The following RUNX2 variants were observed in gnomAD, a reference collection of about 807,000 sequenced individuals.
The protein encoded by RUNX2 is RUNX family transcription factor 2, also known as runt-related transcription factor 2.
A neutral mutation model predicts 51.7 loss-of-function variants in RUNX2; 10 were observed. The observed-to-expected ratio is 0.19, with a 90% CI of 0.12 to 0.33. RUNX2 has a LOEUF of 0.33. Ranked by LOEUF, RUNX2 falls within the 10% of genes least tolerant of loss-of-function variation. RUNX2 has a pLI of 1.00. For missense variants in RUNX2, 562 were observed against 691.3 expected (o/e 0.81, Z 2.10); for synonymous variants, 276 against 273.6 (o/e 1.01, Z -0.09).
chr6:45,375,585 G>T (rs1003339443), intron 2 of RUNX2, among the ~76,000 whole-genome samples: 8 of 148,510 alleles, frequency 5.4e-5, no homozygotes, highest in African/African-American at 2.0e-4. Context: ...TCCCTCTGCA[G>T]CCCAGGCTGG....
At chr6:45,490,556 A>G (rs1170475654) in intron 5 of RUNX2, among the ~76,000 whole-genome samples, 2 of 151,086 alleles carry the variant, frequency 1.3e-5, no homozygotes, top group African/African-American at 2.4e-5. Context: ...TGTCTTACGA[A>G]GACAGCTTAT....
intron 3 of RUNX2, among the ~76,000 whole-genome samples, chr6:45,426,169 A>G (rs890944103): frequency 2.6e-5 from 4 of 152,190 alleles, no homozygotes; most frequent in African/African-American, 9.7e-5. Flanking sequence ...TGCAAAAACA[A>G]CTGGTATACT....
chr6:45,461,028 A>T (rs1357384537), intron 5 of RUNX2, among the ~76,000 whole-genome samples: 1 of 152,180 alleles, frequency 6.6e-6, no homozygotes, highest in African/African-American at 2.4e-5. Context: ...GTTATGATGG[A>T]TTAGGTGGAC....
chr6:45,455,608 T>C (rs190332125), intron 5 of RUNX2, among the ~76,000 whole-genome samples: 1 of 152,308 alleles, frequency 6.6e-6, no homozygotes. Flanking sequence ...TTAGCACCCG[T>C]AAAGGTCCAT....
intron 7 of RUNX2, among the ~76,000 whole-genome samples, chr6:45,542,178 A>G (rs1354224548): frequency 6.6e-6 from 1 of 152,200 alleles, no homozygotes; most frequent in East Asian, 1.9e-4. Flanking sequence ...TTGGTTTCAC[A>G]CACTTTCCAC....
intron 5 of RUNX2, among the ~76,000 whole-genome samples, chr6:45,454,531 T>C (rs529901439): frequency 6.6e-6 from 1 of 152,284 alleles, no homozygotes; most frequent in African/African-American, 2.4e-5. Flanking sequence ...ACAAAAACTT[T>C]TATGGGGAAG....
intron 2 of RUNX2, among the ~76,000 whole-genome samples, chr6:45,403,400 A>G (rs1797761942): frequency 6.6e-6 from 1 of 151,618 alleles, no homozygotes; most frequent in Admixed American, 6.6e-5. Context: ...TGCCCAGCTA[A>G]TTTTGTATTT....
intron 5 of RUNX2, among the ~76,000 whole-genome samples, chr6:45,482,794 A>G (rs1029544338): frequency 6.6e-6 from 1 of 152,156 alleles, no homozygotes; most frequent in Non-Finnish European, 1.5e-5. Context: ...TCCCATAATT[A>G]TGTTTCACCC....
intron 6 of RUNX2, among the ~76,000 whole-genome samples, chr6:45,506,420 C>A (rs573305248): frequency 6.6e-6 from 1 of 152,236 alleles, no homozygotes; most frequent in Non-Finnish European, 1.5e-5. Flanking sequence ...AGAGTGGAGT[C>A]ATCTTTAGTG....
intron 5 of RUNX2, among the ~76,000 whole-genome samples, chr6:45,466,184 G>T (rs1799625138): frequency 6.6e-6 from 1 of 151,612 alleles, no homozygotes; most frequent in Admixed American, 6.6e-5. Context: ...AGTGTGGTGG[G>T]CGCCTGTAAT....
chr6:45,359,564 A>G (rs148277123), intron 2 of RUNX2, among the ~76,000 whole-genome samples: 5 of 152,174 alleles, frequency 3.3e-5, no homozygotes, highest in African/African-American at 1.2e-4. Flanking sequence ...AGACATTTAA[A>G]TATTCAAATA....
At chr6:45,517,345 C>A (rs959748110) in intron 7 of RUNX2, among the ~76,000 whole-genome samples, 9 of 152,060 alleles carry the variant, frequency 5.9e-5, no homozygotes, top group Non-Finnish European at 1.2e-4. Context: ...CCTTGCCAGG[C>A]CAATATTTTT....
At chr6:45,387,331 T>C (rs187545425) in intron 2 of RUNX2, among the ~76,000 whole-genome samples, 1 of 152,282 alleles carries the variant, frequency 6.6e-6, no homozygotes, top group East Asian at 1.9e-4. Context: ...CTAGAATAAA[T>C]TATGTAGTTC....
intron 6 of RUNX2, among the ~76,000 whole-genome samples, chr6:45,507,530 A>G (rs1801008356): frequency 6.6e-6 from 1 of 152,200 alleles, no homozygotes; most frequent in Non-Finnish European, 1.5e-5. Flanking sequence ...AATATGTTGT[A>G]ATCATGTATT....
chr6:45,403,567 T>C (rs1047240086), intron 2 of RUNX2, among the ~76,000 whole-genome samples: 2 of 152,178 alleles, frequency 1.3e-5, no homozygotes, highest in African/African-American at 4.8e-5. Flanking sequence ...ATGTGTTTAA[T>C]CTAGCTGACC....
chr6:45,529,717 A>G (rs1367164192), intron 7 of RUNX2, among the ~76,000 whole-genome samples: 2 of 152,214 alleles, frequency 1.3e-5, no homozygotes, highest in African/African-American at 4.8e-5. Context: ...CAGATAACAG[A>G]TAACAGCCCC....
chr6:45,378,850 CTT>C (rs1563059030), intron 2 of RUNX2, among the ~76,000 whole-genome samples: 2 of 152,048 alleles, frequency 1.3e-5, no homozygotes, highest in Admixed American at 6.6e-5. Context: ...TATATGAAGT[CTT>C]ATTTATATTT....
chr6:45,428,182 C>T (rs1389947472), intron 3 of RUNX2, among the ~76,000 whole-genome samples: 1 of 152,128 alleles, frequency 6.6e-6, no homozygotes, highest in Non-Finnish European at 1.5e-5. Context: ...GTTTTGACTG[C>T]ACTTTACCCC....
chr6:45,463,749 C>G (rs1242192824), intron 5 of RUNX2, among the ~76,000 whole-genome samples: 2 of 152,080 alleles, frequency 1.3e-5, no homozygotes, highest in South Asian at 2.1e-4. Context: ...AGCTTTGAGA[C>G]AGTACAGTGA....
Sources: gnomAD v4.1 joint callset for allele counts (sites outside exome capture counted in the v4.1 genomes callset) on GRCh38, gnomAD v4.1.1 for gene constraint, MANE v1.5 for transcripts, NCBI Gene and HGNC (gene_info 2026-07-23, HGNC 2026-07-21) for gene names.